The following ELP4 variants were observed in gnomAD, a reference collection of about 807,000 sequenced individuals.
ELP4 encodes elongator complex protein 4.
Under a neutral mutation model 48.9 loss-of-function variants are expected in ELP4, and 51 were observed. That is an observed-to-expected ratio of 1.04 (90% CI 0.83 to 1.32). The LOEUF is 1.32. ELP4 is among the 40% of genes most tolerant of loss of function. The pLI is 0.00. For synonymous variants in ELP4, 210 were observed against 189.2 expected (o/e 1.11, Z -0.90); for missense variants, 519 against 514.6 (o/e 1.01, Z -0.08).
At chr11:31,601,881 T>G (rs1003110677) in intron 4 of ELP4, among the ~76,000 whole-genome samples, 1 of 152,050 alleles carries the variant, frequency 6.6e-6, no homozygotes, top group African/African-American at 2.4e-5. Flanking sequence ...AAGCTTTTAT[T>G]GCATGGTGTT....
rs562338648 is a variant in ELP4 at position 31,748,524 on chromosome 11, C to T, written c.1144-34869C>T. 2.6e-5 allele frequency among the ~76,000 whole-genome samples: 4 copies of T among 152,036 alleles called. No homozygotes were observed. The South Asian group carries it at 6.2e-4, about 24-fold the overall frequency. Reference sequence around the variant, plus strand: ...CCTCCCAAAGTGCTGGGATTACAGGCGTGAGCCACCACACCTGGTCGTAAA... The same window carrying T: ...CCTCCCAAAGTGCTGGGATTACAGGTGTGAGCCACCACACCTGGTCGTAAA... On this transcript the variant is annotated intron_variant, in intron 9 of 9. Coordinates refer to ENST00000640961, the MANE Select transcript of ELP4 (RefSeq NM_019040.5).
intron 7 of ELP4, chr11:31,633,979 T>G (rs1944920194): frequency 1.3e-5 from 2 of 152,056 alleles, no homozygotes; most frequent in South Asian, 4.1e-4. Context: ...CATTAGGTTA[T>G]ATGGCTTCAC....
intron 9 of ELP4, among the ~76,000 whole-genome samples, chr11:31,754,125 T>C (rs770157863): frequency 3.3e-5 from 5 of 152,178 alleles, no homozygotes; most frequent in Non-Finnish European, 5.9e-5. Context: ...ATTGTGAGCC[T>C]AATCCCCATC....
At chr11:31,725,848 TC>T (rs1387573250) in intron 9 of ELP4, among the ~76,000 whole-genome samples, 6 of 152,152 alleles carry the variant, frequency 3.9e-5, no homozygotes, top group Non-Finnish European at 5.9e-5. Flanking sequence ...CAGGGATGGG[TC>T]CATCCTGTAA....
intron 1 of ELP4, among the ~76,000 whole-genome samples, chr11:31,512,797 C>G (rs1162687962): frequency 6.8e-6 from 1 of 146,676 alleles, no homozygotes; most frequent in African/African-American, 2.5e-5. Flanking sequence ...CTCCGCCCCC[C>G]CTCCCCCGCC....
At chr11:31,693,424 C>G (rs1482093678) in intron 9 of ELP4, among the ~76,000 whole-genome samples, 3 of 151,942 alleles carry the variant, frequency 2.0e-5, no homozygotes, top group Admixed American at 6.6e-5. Flanking sequence ...GTTTTTTGTC[C>G]TTGCAATAGC....
intron 9 of ELP4, among the ~76,000 whole-genome samples, chr11:31,731,217 A>G (rs1389824100): frequency 2.0e-5 from 3 of 152,212 alleles, no homozygotes; most frequent in Non-Finnish European, 4.4e-5. Flanking sequence ...AAGGAGCAAA[A>G]TAAATTTCCA....
At chr11:31,698,127 C>T (rs891933303) in intron 9 of ELP4, among the ~76,000 whole-genome samples, 3 of 152,018 alleles carry the variant, frequency 2.0e-5, no homozygotes, top group Non-Finnish European at 4.4e-5. Context: ...CCAGCTGTAG[C>T]GGGGGTGGCG....
At chr11:31,777,954 A>G (rs980999699) in intron 9 of ELP4, among the ~76,000 whole-genome samples, 1 of 152,334 alleles carries the variant, frequency 6.6e-6, no homozygotes, top group Admixed American at 6.5e-5. Flanking sequence ...GGCTGCAGAG[A>G]TGAGTATATC....
chr11:31,783,029 A>T (rs1230601057), intron 9 of ELP4, among the ~76,000 whole-genome samples: 1 of 152,226 alleles, frequency 6.6e-6, no homozygotes, highest in Non-Finnish European at 1.5e-5. Flanking sequence ...AGCCAAAAAG[A>T]AAAAAGACAT....
Position 31,648,672 on chromosome 11 carries a change from G to A in ELP4, c.1036+823G>A, listed in dbSNP as rs1169187387. 3.3e-5 allele frequency: 5 copies of A among 151,382 alleles called. No homozygotes were observed. The Admixed American group carries it at 3.3e-4, about 10-fold the overall frequency. 9.4% of individuals were successfully genotyped at this position (151,382 alleles called of 1,614,324 possible). A position where few individuals can be genotyped will look rare whatever the true frequency, so the allele number is the denominator to read the frequency against. ...CCTCTAAAGACTGAGTAGCTTATTT[G>A]AAGCCTGCTACCAGATTTTATAAGA... On this transcript the variant is annotated intron_variant, in intron 8 of 9. Transcript: ENST00000640961.
At chr11:31,632,163 A>G in intron 6 of ELP4, 54 bp from the exon 7 acceptor site, 1 of 1,423,446 alleles carries the variant, frequency 7.0e-7, no homozygotes, top group Non-Finnish European at 9.6e-7. Context: ...TAAAAGTGGT[A>G]TTCTATTGAT....
At chr11:31,609,847 G>A (rs966653886) in intron 5 of ELP4, among the ~76,000 whole-genome samples, 11 of 152,106 alleles carry the variant, frequency 7.2e-5, no homozygotes, top group Middle Eastern at 6.8e-3. Flanking sequence ...ACCAGCCTGG[G>A]CAACATAGTG....
chr11:31,584,713 C>T (rs1309443449), intron 3 of ELP4, among the ~76,000 whole-genome samples: 1 of 151,946 alleles, frequency 6.6e-6, no homozygotes, highest in African/African-American at 2.4e-5. Flanking sequence ...TTACTAGAGA[C>T]GGGGTTTCGC....
At chr11:31,677,469 G>T (rs537373043) in intron 9 of ELP4, among the ~76,000 whole-genome samples, 3 of 152,122 alleles carry the variant, frequency 2.0e-5, no homozygotes, top group Non-Finnish European at 4.4e-5. Context: ...CCACGCCCAC[G>T]TAGCTATTGG....
chr11:31,659,625 A>G (rs1375390517), intron 9 of ELP4, among the ~76,000 whole-genome samples: 2 of 152,140 alleles, frequency 1.3e-5, no homozygotes, highest in East Asian at 3.8e-4. Flanking sequence ...TGAACATTTC[A>G]AATAATAAAA....
At chr11:31,608,689 A>G (rs959101252) in intron 5 of ELP4, among the ~76,000 whole-genome samples, 1 of 151,976 alleles carries the variant, frequency 6.6e-6, no homozygotes, top group Non-Finnish European at 1.5e-5. Context: ...TTTGGCTAAA[A>G]TGTTTCGGCC....
At chr11:31,776,236 G>T (rs1015160868) in intron 9 of ELP4, among the ~76,000 whole-genome samples, 1 of 152,058 alleles carries the variant, frequency 6.6e-6, no homozygotes, top group Admixed American at 6.5e-5. Context: ...TGTAGGATGG[G>T]GCATGGCCAA....
At chr11:31,685,190 A>T (rs1946135128) in intron 9 of ELP4, among the ~76,000 whole-genome samples, 1 of 151,996 alleles carries the variant, frequency 6.6e-6, no homozygotes, top group East Asian at 1.9e-4. Flanking sequence ...GTCTCTACTA[A>T]AATACAAAAA....
Sources: allele counts gnomAD v4.1 joint callset (sites outside exome capture counted in the v4.1 genomes callset), GRCh38; gene constraint gnomAD v4.1.1; transcripts MANE v1.5; gene names NCBI Gene and HGNC (gene_info 2026-07-23, HGNC 2026-07-21).